AGBL1: variants seen among roughly 807,000 people sequenced by gnomAD.
AGBL1 encodes the protein cytosolic carboxypeptidase 4.
Under a neutral mutation model 118.9 loss-of-function variants are expected in AGBL1, and 130 were observed. That is an observed-to-expected ratio of 1.09 (90% CI 0.95 to 1.26). The LOEUF (loss-of-function observed/expected upper bound fraction) is 1.26, where lower values mean the gene tolerates loss of function less well. AGBL1 is among the 50% of genes most tolerant of loss of function. The probability of loss-of-function intolerance (pLI) is 0.00; values close to 1 mark genes in which losing one functional copy is unlikely to be tolerated. For missense variants in AGBL1, 1,584 were observed against 1,298.1 expected (o/e 1.22, Z -3.38); for synonymous variants, 555 against 478.9 (o/e 1.16, Z -2.08).
intron 5 of AGBL1, among the ~76,000 whole-genome samples, chr15:86,190,661 A>C (rs2077705002): frequency 6.6e-6 from 1 of 152,214 alleles, no homozygotes; most frequent in African/African-American, 2.4e-5. Context: ...TGTAAAGACA[A>C]ACATAACTTA....
intron 18 of AGBL1, among the ~76,000 whole-genome samples, chr15:86,463,933 G>T (rs568831553): frequency 3.8e-4 from 58 of 152,026 alleles, no homozygotes; most frequent in African/African-American, 1.3e-3. Context: ...GCTCTTTTTT[G>T]GTTCCATATG....
chr15:86,391,044 G>C (rs2081274294), intron 17 of AGBL1, among the ~76,000 whole-genome samples: 1 of 151,176 alleles, frequency 6.6e-6, no homozygotes, highest in Admixed American at 6.6e-5. Context: ...GCAAATCGGT[G>C]GTTGCCAGAG....
intron 5 of AGBL1, among the ~76,000 whole-genome samples, chr15:86,219,121 C>T (rs1337023296): frequency 1.3e-5 from 2 of 152,176 alleles, no homozygotes; most frequent in African/African-American, 4.8e-5. Context: ...CCTCCATGTA[C>T]CCAGGGATAG....
chr15:86,307,966 T>C (rs1433212457), intron 17 of AGBL1, among the ~76,000 whole-genome samples: 1 of 152,236 alleles, frequency 6.6e-6, no homozygotes, highest in African/African-American at 2.4e-5. Flanking sequence ...TCCTGAATTC[T>C]GTGCTAAATG....
At chr15:86,700,155 G>C (rs1276209821) in intron 22 of AGBL1, among the ~76,000 whole-genome samples, 1 of 151,798 alleles carries the variant, frequency 6.6e-6, no homozygotes, top group East Asian at 1.9e-4. Context: ...TATCTCTGTG[G>C]ATTCAAGGAT....
chr15:86,919,985 T>TATCCCAG (rs2141618194), downstream of AGBL1, among the ~76,000 whole-genome samples: 1 of 152,256 alleles, frequency 6.6e-6, no homozygotes, highest in African/African-American at 2.4e-5. Flanking sequence ...TACCTCAGTT[T>TATCCCAG]TACATTGCTG....
intron 21 of AGBL1, among the ~76,000 whole-genome samples, chr15:86,598,636 T>C (rs2084445223): frequency 6.6e-6 from 1 of 152,066 alleles, no homozygotes; most frequent in South Asian, 2.1e-4. Flanking sequence ...GGATCACTCT[T>C]TTAGAGCTTT....
At position 86,541,897 on chromosome 15, in the gene AGBL1, A is replaced by G. The variant is rs370153051; in HGVS notation, c.2686-4105A>G. Among the ~76,000 whole-genome samples the G allele has an allele frequency of 1.9e-3, 283 of 152,318 alleles. 1 individual carries two copies. The highest frequency in any genetic ancestry group is 6.6e-3 in the African/African-American group (273 of 41,570). The stretch of plus-strand genomic sequence containing the variant: ...AGTACATGCTGTTACCCAAAAAGAA[A>G]TAGCTTGCACACAAAAGAATTACAA... On this transcript the variant is annotated intron_variant, in intron 19 of 22. Coordinates refer to ENST00000614907, the MANE Select transcript of AGBL1 (RefSeq NM_001386094.1).
At chr15:86,663,170 C>T (rs2085577274) in intron 21 of AGBL1, among the ~76,000 whole-genome samples, 1 of 152,194 alleles carries the variant, frequency 6.6e-6, no homozygotes, top group South Asian at 2.1e-4. Context: ...CTTCTCTATC[C>T]TATTCTTCCC....
At chr15:86,267,261 T>C (rs187560789) in intron 13 of AGBL1, among the ~76,000 whole-genome samples, 185 bp downstream of exon 13, 2 of 152,350 alleles carry the variant, frequency 1.3e-5, no homozygotes, top group East Asian at 1.9e-4. Context: ...AGAGAGTCAT[T>C]TGTTAAACAT....
chr15:86,734,213 T>C (rs936468298), intron 22 of AGBL1, among the ~76,000 whole-genome samples: 2 of 152,196 alleles, frequency 1.3e-5, no homozygotes, highest in African/African-American at 2.4e-5. Flanking sequence ...CAAGGTCACA[T>C]TGTGACCTAG....
intron 18 of AGBL1, among the ~76,000 whole-genome samples, chr15:86,440,474 A>G (rs1177594314): frequency 6.8e-6 from 1 of 147,170 alleles, no homozygotes; most frequent in Non-Finnish European, 1.5e-5. Context: ...TATCACCACC[A>G]TGGGATGGAG....
chr15:86,293,291 A>G (rs1225643967), intron 16 of AGBL1, among the ~76,000 whole-genome samples: 1 of 152,182 alleles, frequency 6.6e-6, no homozygotes, highest in African/African-American at 2.4e-5. Flanking sequence ...GAAGTTTGAC[A>G]TGAATCTCAC....
intron 14 of AGBL1, among the ~76,000 whole-genome samples, chr15:86,270,970 G>T (rs373991846): frequency 6.6e-6 from 1 of 151,406 alleles, no homozygotes; most frequent in African/African-American, 2.4e-5. Flanking sequence ...TTCCTTGGCT[G>T]ATGGCCCCTT....
At chr15:86,603,508 C>G (rs1220090118) in intron 21 of AGBL1, among the ~76,000 whole-genome samples, 1 of 151,966 alleles carries the variant, frequency 6.6e-6, no homozygotes. Flanking sequence ...TCCCCCTTAG[C>G]CCCCTATTTT....
At chr15:86,726,154 C>T (rs2086815474) in intron 22 of AGBL1, among the ~76,000 whole-genome samples, 1 of 152,108 alleles carries the variant, frequency 6.6e-6, no homozygotes, top group Admixed American at 6.5e-5. Flanking sequence ...TTATTAGATG[C>T]CATAAACAAA....
chr15:87,021,862 A>ACC (rs1234802774), intron 24 of AGBL1, among the ~76,000 whole-genome samples: 15 of 152,084 alleles, frequency 9.9e-5, no homozygotes, highest in African/African-American at 3.6e-4. Context: ...ACCTGAAAGG[A>ACC]CCCACAGACC....
chr15:86,280,356 C>A (rs2079331319), intron 16 of AGBL1, among the ~76,000 whole-genome samples: 2 of 152,124 alleles, frequency 1.3e-5, no homozygotes, highest in South Asian at 4.1e-4. Context: ...CAGCCACAAT[C>A]TTTTTATGAG....
chr15:86,770,251 C>G (rs999331514), intron 22 of AGBL1, among the ~76,000 whole-genome samples: 1 of 151,982 alleles, frequency 6.6e-6, no homozygotes, highest in African/African-American at 2.4e-5. Context: ...ATGAAGCTCA[C>G]TATCTAGTGG....
Sources: allele counts gnomAD v4.1 joint callset (sites outside exome capture counted in the v4.1 genomes callset), GRCh38; gene constraint gnomAD v4.1.1; transcripts MANE v1.5; gene names NCBI Gene and HGNC (gene_info 2026-07-23, HGNC 2026-07-21).